HSPA12A: variants seen among roughly 807,000 people sequenced by gnomAD.
HSPA12A encodes heat shock protein family A (Hsp70) member 12A, also known as heat shock 70 kDa protein 12A.
Under a neutral mutation model 69.2 loss-of-function variants are expected in HSPA12A, and 28 were observed. That is an observed-to-expected ratio of 0.40 (90% CI 0.30 to 0.55). The LOEUF (loss-of-function observed/expected upper bound fraction) is 0.55, where lower values mean the gene tolerates loss of function less well. Ranked by LOEUF, HSPA12A falls within the 20% of genes least tolerant of loss-of-function variation. The pLI is 0.38. For synonymous variants in HSPA12A, 345 were observed against 370.5 expected (o/e 0.93, Z 0.79); for missense variants, 686 against 900.7 (o/e 0.76, Z 3.05).
intron 1 of HSPA12A, among the ~76,000 whole-genome samples, chr10:116,715,259 C>T (rs1267686652): frequency 6.6e-6 from 1 of 152,162 alleles, no homozygotes; most frequent in Non-Finnish European, 1.5e-5. Context: ...TCCTGACTGC[C>T]CCGGAGACCA....
At chr10:116,729,851 C>T (rs535486112) in intron 1 of HSPA12A, among the ~76,000 whole-genome samples, 24 of 152,278 alleles carry the variant, frequency 1.6e-4, no homozygotes, top group African/African-American at 3.6e-4. Flanking sequence ...TAAACTTTAA[C>T]GAAATCTCCC....
intron 2 of HSPA12A, among the ~76,000 whole-genome samples, chr10:116,823,594 C>G (rs1411662747): frequency 6.6e-6 from 1 of 152,178 alleles, no homozygotes; most frequent in Non-Finnish European, 1.5e-5. Context: ...GAAATAAACC[C>G]TCACATGTAT....
At chr10:116,733,738 A>G (rs901346800) in intron 1 of HSPA12A, among the ~76,000 whole-genome samples, 7 of 152,316 alleles carry the variant, frequency 4.6e-5, no homozygotes, top group African/African-American at 1.4e-4. Context: ...GGCTCTTCCT[A>G]TTGGCTGTTA....
intron 1 of HSPA12A, among the ~76,000 whole-genome samples, chr10:116,722,818 CA>C (rs1554884535): frequency 6.6e-6 from 1 of 152,152 alleles, no homozygotes; most frequent in Non-Finnish European, 1.5e-5. Context: ...CTATTTTGCA[CA>C]TGGACTCTTC....
chr10:116,728,282 A>G (rs537332153), intron 1 of HSPA12A, among the ~76,000 whole-genome samples: 1 of 150,660 alleles, frequency 6.6e-6, no homozygotes, highest in Admixed American at 6.7e-5. Flanking sequence ...CTAGGCATGG[A>G]TGGTCTGTAG....
chr10:116,695,618 C>A (rs1849869176), intron 5 of HSPA12A, among the ~76,000 whole-genome samples: 1 of 152,052 alleles, frequency 6.6e-6, no homozygotes, highest in Admixed American at 6.5e-5. Flanking sequence ...AGATCCAGAC[C>A]ATCCTGGCTA....
intron 1 of HSPA12A, among the ~76,000 whole-genome samples, chr10:116,730,073 C>T (rs1351701669): frequency 2.0e-5 from 3 of 152,178 alleles, no homozygotes; most frequent in Non-Finnish European, 2.9e-5. Flanking sequence ...ATCCCAGCTA[C>T]TTGGGAGGGT....
rs184694146 is a variant in HSPA12A at position 116,834,830 on chromosome 10, C to T, written c.91+105G>A. The T allele has an allele frequency of 2.3e-3, 1,251 of 543,566 alleles. 4 individuals carry two copies. The highest frequency in any genetic ancestry group is 3.0e-3 in the Non-Finnish European group (1,119 of 369,362). 33.7% of individuals were successfully genotyped at this position (543,566 alleles called of 1,614,324 possible). ...CATCTTACACGTGCAGAAGTTTAAA[C>T]GTCCCAGTTTTAAACATACCTAGTC... On this transcript the variant is annotated intron_variant, in intron 2 of 12. Transcript: ENST00000635765.
In HSPA12A at chr10:116,844,965, A is replaced by G. The variant is rs149420837; in HGVS notation, c.3+4601T>C. Among the ~76,000 whole-genome samples the G allele has an allele frequency of 2.0e-3, 305 of 152,322 alleles. 1 individual carries two copies. Among genetic ancestry groups the G allele is most frequent in the African/African-American group, 7.0e-3 (290 of 41,578 alleles). ...GAATAAGTGTTAACTTCCTCTATGA[A>G]GGGTCTTCAGTTAGCAGATTGCAAT... On this transcript the variant is annotated intron_variant, in intron 1 of 12. Coordinates refer to the HSPA12A transcript ENST00000635765.
Position 116,707,191 on chromosome 10 carries a change from A to T in HSPA12A, c.126+9T>A, listed in dbSNP as rs1030837859. On this transcript the variant is annotated intron_variant, in intron 2 of 11. Coordinates refer to ENST00000369209, the MANE Select transcript of HSPA12A (RefSeq NM_025015.3). ...CACACACACACACACACACACACACACTTCTTACCACAATATGGGAGGGGG... is the reference window on the plus strand; with the variant it reads ...CACACACACACACACACACACACACTCTTCTTACCACAATATGGGAGGGGG... 1 of 1,570,764 alleles carries T rather than the reference A, an allele frequency of 6.4e-7. No individual in the cohort carries two copies. Among genetic ancestry groups the T allele is most frequent in the Non-Finnish European group, 8.7e-7 (1 of 1,150,742 alleles).
At chr10:116,832,084 T>C (rs1845625511) in intron 2 of HSPA12A, 1 of 151,974 alleles carries the variant, frequency 6.6e-6, no homozygotes, top group African/African-American at 2.4e-5. Flanking sequence ...ACAAAGAAGG[T>C]CACCAAAGAG....
chr10:116,728,925 C>A (rs1851064384), intron 1 of HSPA12A, among the ~76,000 whole-genome samples: 1 of 152,192 alleles, frequency 6.6e-6, no homozygotes, highest in Non-Finnish European at 1.5e-5. Context: ...AGGGGCCCAT[C>A]TTAATGCTCC....
chr10:116,772,928 C>T (rs1554890655), intron 2 of HSPA12A, among the ~76,000 whole-genome samples: 1 of 151,844 alleles, frequency 6.6e-6, no homozygotes. Context: ...TCTTGAACTC[C>T]TAGTCTCAAG....
At chr10:116,712,989 TA>T (rs1554883330) in intron 1 of HSPA12A, among the ~76,000 whole-genome samples, 4 of 123,912 alleles carry the variant, frequency 3.2e-5, no homozygotes, top group Non-Finnish European at 6.5e-5. Flanking sequence ...TATATATATA[TA>T]TATATATATA....
intron 2 of HSPA12A, among the ~76,000 whole-genome samples, chr10:116,787,372 A>G (rs550894932): frequency 1.3e-5 from 2 of 151,122 alleles, no homozygotes; most frequent in African/African-American, 4.9e-5. Context: ...AATAAGCACA[A>G]GATTGGAAAG....
At chr10:116,684,395 G>A (rs1247092335) in intron 6 of HSPA12A, among the ~76,000 whole-genome samples, 3 of 152,150 alleles carry the variant, frequency 2.0e-5, no homozygotes, top group Non-Finnish European at 4.4e-5. Context: ...CAGGTGATCT[G>A]TTCTCAGTTG....
Position 116,681,792 on chromosome 10 carries a change from T to C in HSPA12A, c.921A>G (p.Glu307=), listed in dbSNP as rs782426987. The change falls in exon 8 of 12, where the codon GAA becomes GAG. Residue 307 remains glutamate (E), a splice_region_variant and synonymous_variant. Coordinates refer to ENST00000369209, the MANE Select transcript of HSPA12A (RefSeq NM_025015.3). ...GCAAAGGACATTGAAGGACGCTACC[T>C]TCCTCCAGCTCGGACCAGATTTCTC... ...VIGEIWSELE[E]GDKYVVVDSG... 2 of 1,613,404 alleles carry C rather than the reference T, an allele frequency of 1.2e-6. No homozygotes were observed. The highest frequency in any genetic ancestry group is 1.7e-6 in the Non-Finnish European group (2 of 1,179,370).
chr10:116,827,883 G>A (rs529297582), intron 2 of HSPA12A, among the ~76,000 whole-genome samples: 16 of 152,156 alleles, frequency 1.1e-4, no homozygotes, highest in African/African-American at 2.2e-4. Context: ...GCCAAGTTGC[G>A]AGCTGCTGTC....
At chr10:116,717,015 C>G (rs1393426463) in intron 1 of HSPA12A, among the ~76,000 whole-genome samples, 1 of 152,166 alleles carries the variant, frequency 6.6e-6, no homozygotes, top group Non-Finnish European at 1.5e-5. Context: ...ACAAACCCAG[C>G]ACTCTATTGG....
Sources: allele counts gnomAD v4.1 joint callset (sites outside exome capture counted in the v4.1 genomes callset), GRCh38; gene constraint gnomAD v4.1.1; transcripts MANE v1.5; gene names NCBI Gene and HGNC (gene_info 2026-07-23, HGNC 2026-07-21).